The following CDK14 variants were observed in gnomAD, a reference collection of about 807,000 sequenced individuals.
The protein encoded by CDK14 is cyclin dependent kinase 14.
A neutral mutation model predicts 60.7 loss-of-function variants in CDK14; 34 were observed. That is an observed-to-expected ratio of 0.56 (90% CI 0.43 to 0.75). The LOEUF (loss-of-function observed/expected upper bound fraction) is 0.75, where lower values mean the gene tolerates loss of function less well. CDK14 is among the 30% of genes least tolerant of loss of function. The pLI, the probability that CDK14 is intolerant of heterozygous loss-of-function variation, is 0.00. For synonymous variants in CDK14, 197 were observed against 203.7 expected (o/e 0.97, Z 0.28); for missense variants, 482 against 564.1 (o/e 0.85, Z 1.47).
intron 11 of CDK14, among the ~76,000 whole-genome samples, chr7:91,063,467 T>C (rs775615126): frequency 6.6e-5 from 10 of 152,204 alleles, no homozygotes; most frequent in Non-Finnish European, 1.2e-4. Context: ...GAGAGCACCT[T>C]TGTAGCTAAC....
At chr7:90,927,038 A>G (rs1237266636) in intron 8 of CDK14, among the ~76,000 whole-genome samples, 1 of 152,184 alleles carries the variant, frequency 6.6e-6, no homozygotes, top group African/African-American at 2.4e-5. Flanking sequence ...GGCATTCTCC[A>G]GGGGCACCAC....
intron 8 of CDK14, 84 bp from the exon 9 acceptor site, chr7:90,955,613 C>A: frequency 6.6e-7 from 1 of 1,518,306 alleles, no homozygotes. Flanking sequence ...CGGGTTTGAC[C>A]TTTAAGAATG....
chr7:90,964,181 G>C lies in CDK14; in HGVS notation c.947+8364G>C, dbSNP rs60703293. 6.6e-5 allele frequency among the ~76,000 whole-genome samples: 10 copies of C among 152,282 alleles called. No homozygotes were observed. The East Asian group carries it at 1.5e-3, about 23-fold the overall frequency. On this transcript the variant is annotated intron_variant, in intron 9 of 14. Coordinates refer to ENST00000380050, the MANE Select transcript of CDK14 (RefSeq NM_001287135.2). ...AAGGTTGCAGTGGCCTTTGTGCAAG[G>C]CTGTGTTTTTTGCAGCCTTTTGTGA...
intron 10 of CDK14, among the ~76,000 whole-genome samples, chr7:91,033,309 C>T (rs1796815591): frequency 6.6e-6 from 1 of 152,162 alleles, no homozygotes; most frequent in South Asian, 2.1e-4. Context: ...TAGCTCCTGA[C>T]ACCACAGAAC....
At chr7:91,022,203 G>A (rs933135657) in intron 10 of CDK14, among the ~76,000 whole-genome samples, 5 of 152,174 alleles carry the variant, frequency 3.3e-5, no homozygotes, top group Admixed American at 3.3e-4. Context: ...TATTCTGTCT[G>A]GGGCAGTGAG....
chr7:90,836,272 T>G (rs1454467505), intron 5 of CDK14, among the ~76,000 whole-genome samples: 2 of 152,254 alleles, frequency 1.3e-5, no homozygotes, highest in Non-Finnish European at 2.9e-5. Context: ...GAAGTTAAGA[T>G]GCAGACACAT....
At chr7:90,745,136 C>T (rs1803538538) in intron 3 of CDK14, among the ~76,000 whole-genome samples, 1 of 152,128 alleles carries the variant, frequency 6.6e-6, no homozygotes, top group Admixed American at 6.5e-5. Context: ...TCTGTATCTG[C>T]AATATATTCT....
At chr7:91,106,801 C>T (rs1327212089) in intron 12 of CDK14, among the ~76,000 whole-genome samples, 3 of 152,086 alleles carry the variant, frequency 2.0e-5, no homozygotes, top group African/African-American at 7.2e-5. Flanking sequence ...GATACTAAGC[C>T]AACCTACACC....
At chr7:90,973,789 C>T (rs1233416986) in intron 9 of CDK14, among the ~76,000 whole-genome samples, 1 of 152,070 alleles carries the variant, frequency 6.6e-6, no homozygotes, top group Non-Finnish European at 1.5e-5. Flanking sequence ...ACAGAGATCA[C>T]ATGCTTCAAA....
chr7:91,081,510 T>C (rs1798483161), intron 12 of CDK14, among the ~76,000 whole-genome samples: 1 of 152,194 alleles, frequency 6.6e-6, no homozygotes, highest in Admixed American at 6.5e-5. Context: ...TGGGTTAATA[T>C]AAAAAAGTAG....
At chr7:91,190,742 G>C (rs891846920) in intron 14 of CDK14, among the ~76,000 whole-genome samples, 1 of 151,964 alleles carries the variant, frequency 6.6e-6, no homozygotes, top group Non-Finnish European at 1.5e-5. Flanking sequence ...CACCCACCTC[G>C]GCCTCCCAAA....
At chr7:90,610,245 A>G (rs1023829538) in intron 2 of CDK14, among the ~76,000 whole-genome samples, 11 of 152,152 alleles carry the variant, frequency 7.2e-5, no homozygotes, top group Admixed American at 3.9e-4. Flanking sequence ...TTTGTAATGT[A>G]CGCTGCCAGC....
chr7:90,679,940 G>C (rs570364088), intron 2 of CDK14, among the ~76,000 whole-genome samples: 1 of 152,056 alleles, frequency 6.6e-6, no homozygotes, highest in Non-Finnish European at 1.5e-5. Flanking sequence ...TGTGGCTCTC[G>C]GAGACTATTG....
chr7:90,876,881 T>C (rs1055427187), intron 6 of CDK14, among the ~76,000 whole-genome samples: 3 of 152,228 alleles, frequency 2.0e-5, no homozygotes, highest in Admixed American at 6.5e-5. Context: ...TCAGAGTTTA[T>C]CAAATATGAC....
rs1372675598 is a variant in CDK14, at chr7:90,744,725, C to T, written c.370-2956C>T. On this transcript the variant is annotated intron_variant, in intron 3 of 14. Coordinates refer to ENST00000380050, the MANE Select transcript of CDK14 (RefSeq NM_001287135.2). ...CCCAGTAGGGGCGGCCGGGCAGAGG[C>T]GCCCCTCACCTCCCGGACGGGGCGG... Among the ~76,000 whole-genome samples the T allele has an allele frequency of 1.0e-3, 115 of 111,626 alleles. 12 individuals are homozygous for T. Among genetic ancestry groups the T allele is most frequent in the Non-Finnish European group, 1.5e-3 (76 of 49,770 alleles). 73.2% of individuals were successfully genotyped at this position (111,626 alleles called of 152,430 possible).
At chr7:90,746,489 A>T (rs1584851245) in intron 3 of CDK14, among the ~76,000 whole-genome samples, 1 of 152,334 alleles carries the variant, frequency 6.6e-6, no homozygotes, top group East Asian at 1.9e-4. Flanking sequence ...AAGTACCACA[A>T]ATATTAGCAA....
At chr7:90,600,971 G>A (rs1799303012) in intron 1 of CDK14, among the ~76,000 whole-genome samples, 1 of 152,188 alleles carries the variant, frequency 6.6e-6, no homozygotes, top group Non-Finnish European at 1.5e-5. Flanking sequence ...AGGATTTTAA[G>A]GGAAAACAGG....
chr7:91,086,563 T>C (rs898470162), intron 12 of CDK14, among the ~76,000 whole-genome samples: 3 of 152,150 alleles, frequency 2.0e-5, no homozygotes, highest in African/African-American at 7.2e-5. Context: ...CAGCTTCCTG[T>C]TCATCACATA....
chr7:90,968,474 A>G (rs1794821428), intron 9 of CDK14, among the ~76,000 whole-genome samples: 1 of 152,214 alleles, frequency 6.6e-6, no homozygotes. Flanking sequence ...TGGGTTGCTC[A>G]TCTTTTACTG....
Sources: gnomAD v4.1 joint callset for allele counts (sites outside exome capture counted in the v4.1 genomes callset) on GRCh38, gnomAD v4.1.1 for gene constraint, MANE v1.5 for transcripts, NCBI Gene and HGNC (gene_info 2026-07-23, HGNC 2026-07-21) for gene names.